The following BMPER variants were observed in gnomAD, a reference collection of about 807,000 sequenced individuals.
The protein encoded by BMPER is BMP-binding endothelial regulator protein.
In BMPER, 45 loss-of-function variants were observed where a neutral mutation model predicts 87.3. The ratio of observed to expected loss-of-function variants is 0.52; its 90% CI spans 0.41 to 0.66. The LOEUF (loss-of-function observed/expected upper bound fraction) is 0.66, where lower values mean the gene tolerates loss of function less well. BMPER is among the 30% of genes least tolerant of loss of function. The probability of loss-of-function intolerance (pLI) is 0.00; values close to 1 mark genes in which losing one functional copy is unlikely to be tolerated. For synonymous variants in BMPER, 326 were observed against 316.2 expected, an observed-to-expected ratio of 1.03 and a Z score of -0.33; for missense variants, 784 against 867.5, an observed-to-expected ratio of 0.90 and a Z score of 1.21.
chr7:33,927,802 T>G (rs962649685), intron 2 of BMPER, among the ~76,000 whole-genome samples: 1 of 152,118 alleles, frequency 6.6e-6, no homozygotes, highest in Non-Finnish European at 1.5e-5. Context: ...GTAGTTGGAG[T>G]TGGACCCCCA....
At position 34,040,363 on chromosome 7, in the gene BMPER, C is replaced by T. The variant is rs78639046; in HGVS notation, c.577-5943C>T. Among the ~76,000 whole-genome samples, 657 of 152,252 alleles carry T rather than the reference C, an allele frequency of 4.3e-3. 7 individuals are homozygous for T. Among genetic ancestry groups the T allele is most frequent in the African/African-American group, 0.014 (598 of 41,540 alleles). On this transcript the variant is annotated intron_variant, in intron 6 of 14. Coordinates refer to ENST00000649409, the MANE Select transcript of BMPER (RefSeq NM_001365308.1). ...GCTAGCAAAGCAGAAATGTGGCATG[C>T]AGAGCCTCAGCTTCAACACCAGAAA...
intron 6 of BMPER, among the ~76,000 whole-genome samples, chr7:34,034,523 C>T (rs1410190810): frequency 6.6e-6 from 1 of 152,164 alleles, no homozygotes; most frequent in Non-Finnish European, 1.5e-5. Flanking sequence ...CCACTACTTC[C>T]ACCATCTTTG....
chr7:33,984,476 G>A (rs75149860), intron 6 of BMPER, among the ~76,000 whole-genome samples: 12,937 of 151,832 alleles, frequency 0.085, 547 homozygotes, highest in Middle Eastern at 0.12. Context: ...AAAAAAAAAA[G>A]TGCTTATCCA....
chr7:34,031,268 C>T (rs1787510092), intron 6 of BMPER, among the ~76,000 whole-genome samples: 1 of 151,968 alleles, frequency 6.6e-6, no homozygotes, highest in Non-Finnish European at 1.5e-5. Context: ...CTGTTTGTGT[C>T]ATTGGTAAAG....
At chr7:33,923,788 T>C (rs2128605296) in intron 2 of BMPER, among the ~76,000 whole-genome samples, 1 of 152,386 alleles carries the variant, frequency 6.6e-6, no homozygotes, top group East Asian at 1.9e-4. Context: ...GATGGACTTA[T>C]AAGCATTATG....
chr7:33,924,205 T>C (rs952616582), intron 2 of BMPER, among the ~76,000 whole-genome samples: 1 of 152,234 alleles, frequency 6.6e-6, no homozygotes, highest in Non-Finnish European at 1.5e-5. Flanking sequence ...TTACATCCCA[T>C]GTTCTATTCA....
intron 6 of BMPER, among the ~76,000 whole-genome samples, chr7:34,035,401 C>T: frequency 6.6e-6 from 1 of 152,136 alleles, no homozygotes; most frequent in East Asian, 1.9e-4. Context: ...AAAGGGTGAA[C>T]AAAAAGGATG....
intron 13 of BMPER, among the ~76,000 whole-genome samples, chr7:34,141,660 A>G (rs1308373270): frequency 1.3e-5 from 2 of 151,992 alleles, no homozygotes; most frequent in African/African-American, 4.8e-5. Context: ...CTACAAAGAA[A>G]GAAAGATCTC....
intron 6 of BMPER, among the ~76,000 whole-genome samples, chr7:34,000,791 C>T (rs764293812): frequency 2.0e-5 from 3 of 151,926 alleles, no homozygotes; most frequent in Non-Finnish European, 4.4e-5. Flanking sequence ...GGGATATAGC[C>T]CATTTCACCA....
intron 12 of BMPER, among the ~76,000 whole-genome samples, chr7:34,079,459 C>T (rs1788955130): frequency 6.6e-6 from 1 of 152,152 alleles, no homozygotes; most frequent in Non-Finnish European, 1.5e-5. Flanking sequence ...ACATCCAGAA[C>T]CTTTCCATCC....
At chr7:34,132,684 G>A (rs374085273) in intron 13 of BMPER, among the ~76,000 whole-genome samples, 30 of 152,172 alleles carry the variant, frequency 2.0e-4, no homozygotes, top group African/African-American at 5.6e-4. Context: ...TGGGCTGGGG[G>A]CTTTTAAAAT....
At chr7:33,931,511 T>G (rs1172931583) in intron 2 of BMPER, among the ~76,000 whole-genome samples, 1 of 152,206 alleles carries the variant, frequency 6.6e-6, no homozygotes, top group Non-Finnish European at 1.5e-5. Flanking sequence ...TTCTTCTGTT[T>G]ATGAGAAGTG....
At chr7:34,117,738 C>G (rs1199369562) in intron 13 of BMPER, among the ~76,000 whole-genome samples, 1 of 152,088 alleles carries the variant, frequency 6.6e-6, no homozygotes. Flanking sequence ...CATTTTTCAC[C>G]CAGAAACAGA....
At chr7:33,917,830 A>G (rs926104159) in intron 2 of BMPER, among the ~76,000 whole-genome samples, 2 of 151,984 alleles carry the variant, frequency 1.3e-5, no homozygotes, top group Admixed American at 6.6e-5. Flanking sequence ...CTATTTTTAG[A>G]CCCTGTGTGG....
intron 3 of BMPER, among the ~76,000 whole-genome samples, chr7:33,964,237 T>C (rs933141764): frequency 2.0e-5 from 3 of 152,218 alleles, no homozygotes; most frequent in African/African-American, 7.2e-5. Flanking sequence ...AAATCCATTC[T>C]AGTGCTTGAT....
intron 13 of BMPER, among the ~76,000 whole-genome samples, chr7:34,092,996 A>C (rs192016799): frequency 1.1e-3 from 160 of 152,324 alleles, no homozygotes; most frequent in Non-Finnish European, 2.2e-3. Flanking sequence ...CAAAGTTAGA[A>C]AGGGCACAGT....
intron 6 of BMPER, among the ~76,000 whole-genome samples, chr7:34,034,109 T>C (rs1362545120): frequency 6.6e-6 from 1 of 152,128 alleles, no homozygotes; most frequent in Admixed American, 6.6e-5. Flanking sequence ...AGCCATGGCC[T>C]CACTGAGGTG....
intron 6 of BMPER, among the ~76,000 whole-genome samples, chr7:33,995,212 T>A (rs1007295556): frequency 1.3e-5 from 2 of 152,228 alleles, no homozygotes; most frequent in Middle Eastern, 6.8e-3. Context: ...CTAAAAAGAC[T>A]CTTACATAAT....
At position 34,061,918 on chromosome 7, in the gene BMPER, T is replaced by A. The variant is rs941417185; in HGVS notation, c.1033-84T>A. 35 of 1,171,110 alleles carry A rather than the reference T, an allele frequency of 3.0e-5. No individual in the cohort carries two copies. In the African/African-American group the frequency reaches 4.2e-4, roughly 14 times the overall value. The allele number at this position is 1,171,110 out of a possible 1,614,324, so 72.5% of individuals were successfully genotyped here. On this transcript the variant is annotated intron_variant, in intron 10 of 14. Transcript: ENST00000649409. ...TTTCATTGGTTTATCTTGTATTAGA[T>A]TTTAAAAAGATATTTGTCCTCAGGA...
Sources: gnomAD v4.1 joint callset for allele counts (sites outside exome capture counted in the v4.1 genomes callset) on GRCh38, gnomAD v4.1.1 for gene constraint, MANE v1.5 for transcripts, NCBI Gene and HGNC (gene_info 2026-07-23, HGNC 2026-07-21) for gene names.